ENTHD1: variants seen among roughly 807,000 people sequenced by gnomAD.
The protein encoded by ENTHD1 is ENTH domain-containing protein 1.
In ENTHD1, 23 loss-of-function variants were observed where a neutral mutation model predicts 39.1. The ratio of observed to expected loss-of-function variants is 0.59; its 90% CI spans 0.42 to 0.83. ENTHD1 has a LOEUF of 0.83. ENTHD1 is among the 40% of genes least tolerant of loss of function. The pLI, the probability that ENTHD1 is intolerant of heterozygous loss-of-function variation, is 0.00. For missense variants in ENTHD1, 624 were observed against 705.4 expected (o/e 0.88, Z 1.31); for synonymous variants, 230 against 258.2 (o/e 0.89, Z 1.05).
intron 5 of ENTHD1, among the ~76,000 whole-genome samples, chr22:39,784,524 C>T (rs932531864): frequency 2.2e-4 from 31 of 143,828 alleles, no homozygotes; most frequent in Middle Eastern, 3.4e-3. Flanking sequence ...GAAGAAAATG[C>T]GCTCTCTCTC....
chr22:39,856,589 G>A (rs894997464), intron 3 of ENTHD1, among the ~76,000 whole-genome samples: 2 of 152,076 alleles, frequency 1.3e-5, no homozygotes, highest in African/African-American at 4.8e-5. Context: ...TCTTACTATA[G>A]ATATACAATA....
rs533098804 is a variant in ENTHD1 at position 39,754,799 on chromosome 22, T to C, written c.1219+10424A>G. Among the ~76,000 whole-genome samples the C allele has an allele frequency of 2.0e-5, 3 of 152,296 alleles. No homozygotes were observed. The East Asian group carries it at 5.8e-4, about 29-fold the overall frequency. On this transcript the variant is annotated intron_variant, in intron 6 of 6. Transcript: ENST00000325157. ...TTTTTTACAACAGCCTTTGAAGTGT[T>C]CCTCACCTCCAATTTCACCGGCCAG...
chr22:39,892,711 G>A (rs2146790728), intron 1 of ENTHD1, among the ~76,000 whole-genome samples: 1 of 152,328 alleles, frequency 6.6e-6, no homozygotes, highest in East Asian at 1.9e-4. Context: ...AGTGTCCAGA[G>A]CTATCTCTGA....
At chr22:39,824,199 TTC>T (rs2065806160) in intron 4 of ENTHD1, among the ~76,000 whole-genome samples, 5 of 114,540 alleles carry the variant, frequency 4.4e-5, no homozygotes, top group Admixed American at 4.3e-4. Context: ...TTTTGTCCAG[TTC>T]TTTTTTTTTT....
intron 2 of ENTHD1, among the ~76,000 whole-genome samples, chr22:39,877,336 C>G (rs554642076): frequency 6.6e-6 from 1 of 152,326 alleles, no homozygotes; most frequent in Non-Finnish European, 1.5e-5. Flanking sequence ...ATAAACCTGA[C>G]TTCTGATCCA....
intron 3 of ENTHD1, among the ~76,000 whole-genome samples, chr22:39,846,316 T>G (rs2065988364): frequency 6.6e-6 from 1 of 152,122 alleles, no homozygotes; most frequent in Non-Finnish European, 1.5e-5. Context: ...TCTTCCCATT[T>G]CTGCCTCCTG....
intron 5 of ENTHD1, among the ~76,000 whole-genome samples, chr22:39,806,894 C>T (rs1045660498): frequency 6.6e-6 from 1 of 152,110 alleles, no homozygotes; most frequent in Admixed American, 6.6e-5. Flanking sequence ...GGAGGGTTTT[C>T]CCTGCTGAGA....
In ENTHD1 at chr22:39,784,582, A is replaced by ACACACT. The variant is rs1491396024; in HGVS notation, c.833-18974_833-18973insAGTGTG. On this transcript the variant is annotated intron_variant, in intron 5 of 6. Transcript: ENST00000325157. Reference sequence around the variant, plus strand: ...CACACACACACACACACACACACACACTAGAATATTCAGCCATAAAAGAGA... The same window carrying ACACACT: ...CACACACACACACACACACACACACACACACTCTAGAATATTCAGCCATAAAAGAGA... 9.4e-4 allele frequency among the ~76,000 whole-genome samples: 137 copies of ACACACT among 145,034 alleles called. 2 individuals carry two copies. The highest frequency in any genetic ancestry group is 3.3e-3 in the African/African-American group (132 of 40,020).
intron 1 of ENTHD1, among the ~76,000 whole-genome samples, chr22:39,891,551 C>T (rs1278848276): frequency 2.0e-5 from 3 of 151,854 alleles, no homozygotes; most frequent in African/African-American, 7.3e-5. Context: ...AAGCAATCCC[C>T]CTGCCTCAGC....
chr22:39,860,286 T>C (rs2066129081), intron 3 of ENTHD1, among the ~76,000 whole-genome samples: 1 of 152,264 alleles, frequency 6.6e-6, no homozygotes, highest in Non-Finnish European at 1.5e-5. Flanking sequence ...GTAAGAAAGG[T>C]AACATCGAAG....
At chr22:39,796,081 TTTA>T (rs1333663960) in intron 5 of ENTHD1, among the ~76,000 whole-genome samples, 5 of 152,270 alleles carry the variant, frequency 3.3e-5, no homozygotes, top group African/African-American at 1.2e-4. Context: ...TGCCCTGATC[TTTA>T]TTATTTCTTT....
chr22:39,752,232 G>A (rs1047285305), intron 6 of ENTHD1, among the ~76,000 whole-genome samples: 25 of 152,070 alleles, frequency 1.6e-4, no homozygotes, highest in African/African-American at 6.0e-4. Flanking sequence ...GCCATAAAAA[G>A]CAATGAAGTA....
Position 39,743,583 on chromosome 22 carries a change from C to CT in ENTHD1, c.*95dup, listed in dbSNP as rs368264772. The CT allele has an allele frequency of 8.1e-6, 11 of 1,366,264 alleles. No individual in the cohort carries two copies. The highest frequency in any genetic ancestry group is 5.9e-5 in the South Asian group (3 of 51,170). The allele number at this position is 1,366,264 out of a possible 1,614,324, so 84.6% of individuals were successfully genotyped here. On this transcript the variant is annotated 3_prime_UTR_variant, in exon 7 of 7. Transcript: ENST00000325157. ...TGACAAGGAAAAATTAAACCATCCC[C>CT]TTTTTTGCCATAATAATATGAATTT...
chr22:39,886,491 A>G (rs1181492764), intron 2 of ENTHD1, among the ~76,000 whole-genome samples: 1 of 152,206 alleles, frequency 6.6e-6, no homozygotes, highest in East Asian at 1.9e-4. Flanking sequence ...ATTGTGTCTG[A>G]GTGGGGAAGG....
chr22:39,779,995 C>G (rs1007526071), intron 5 of ENTHD1, among the ~76,000 whole-genome samples: 1 of 152,094 alleles, frequency 6.6e-6, no homozygotes, highest in African/African-American at 2.4e-5. Flanking sequence ...GAGAAAATCA[C>G]TTAACCGCAA....
chr22:39,875,269 A>C, intron 2 of ENTHD1: 1 of 1,209,168 alleles, frequency 8.3e-7, no homozygotes, highest in Non-Finnish European at 1.0e-6. Flanking sequence ...AACAAATGCA[A>C]CAAATCTATA....
chr22:39,824,399 C>T (rs567718742), intron 4 of ENTHD1, among the ~76,000 whole-genome samples: 45 of 151,670 alleles, frequency 3.0e-4, no homozygotes, highest in South Asian at 1.5e-3. Flanking sequence ...TTAGTAGAGA[C>T]GGGGTTTTAC....
chr22:39,877,912 A>G (rs549671252), intron 2 of ENTHD1, among the ~76,000 whole-genome samples: 45 of 152,344 alleles, frequency 3.0e-4, no homozygotes, highest in African/African-American at 1.0e-3. Context: ...AGAAAAAATC[A>G]TAAGACATAC....
chr22:39,775,158 C>G (rs958596573), intron 5 of ENTHD1, among the ~76,000 whole-genome samples: 2 of 152,042 alleles, frequency 1.3e-5, no homozygotes, highest in African/African-American at 2.4e-5. Context: ...ATACTAAGTA[C>G]AAGGATGTCT....
Sources: gnomAD v4.1 joint callset for allele counts (sites outside exome capture counted in the v4.1 genomes callset) on GRCh38, gnomAD v4.1.1 for gene constraint, MANE v1.5 for transcripts, NCBI Gene and HGNC (gene_info 2026-07-23, HGNC 2026-07-21) for gene names.